Variants in KCNN3 observed in about 807,000 individuals in gnomAD.
The protein encoded by KCNN3 is small conductance calcium-activated potassium channel protein 3.
KCNN3 carries 16 observed loss-of-function variants against 62.9 expected under a neutral mutation model. The ratio of observed to expected loss-of-function variants is 0.25; its 90% CI spans 0.17 to 0.39. KCNN3 has a LOEUF of 0.39. Among genes scored for constraint, KCNN3 ranks in the 10% least tolerant of loss-of-function variants. The probability of loss-of-function intolerance (pLI) is 1.00; values close to 1 mark genes in which losing one functional copy is unlikely to be tolerated. For synonymous variants in KCNN3, 370 were observed against 389.2 expected, an observed-to-expected ratio of 0.95 and a Z score of 0.58; for missense variants, 599 against 949.4, an observed-to-expected ratio of 0.63 and a Z score of 4.85.
intron 2 of KCNN3, among the ~76,000 whole-genome samples, chr1:154,813,499 C>T (rs562088023): frequency 8.1e-4 from 124 of 152,252 alleles, no homozygotes; most frequent in African/African-American, 2.7e-3. Context: ...TTCACAAACA[C>T]GGACTCTTCC....
In KCNN3 at chr1:154,869,066, A is replaced by G. The variant is rs753701554; in HGVS notation, c.899T>C (p.Ile300Thr). ...CAAACCCCAAGAGAGCTCGGTCTCTATCACCATAACAACAATTCCAAACAT... is the reference window on the plus strand; with the variant it reads ...CAAACCCCAAGAGAGCTCGGTCTCTGTCACCATAACAACAATTCCAAACAT... ...FGMFGIVVMV[I>T]ETELSWGLYS... is the part of the protein sequence containing the mutation. The change falls in exon 1 of 8, where the codon ATA (isoleucine) becomes ACA (threonine). Residue 300 changes from isoleucine (I) to threonine (T), a missense_variant. Ile to Thr is a moderately conservative substitution (Grantham distance 89, BLOSUM62 -1). Transcript: ENST00000271915. This position sits in a 1 kb window ranked among gnomAD's most constrained non-coding sequence, Gnocchi z 6.1. 1.9e-6 allele frequency: 3 copies of G among 1,614,156 alleles called. No homozygotes were observed. Among genetic ancestry groups the G allele is most frequent in the South Asian group, 2.2e-5 (2 of 91,076 alleles).
intron 3 of KCNN3, among the ~76,000 whole-genome samples, chr1:154,756,071 AAGG>A (rs1305965022): frequency 9.0e-5 from 12 of 133,864 alleles, no homozygotes; most frequent in South Asian, 7.4e-4. Flanking sequence ...GAGGAAGAAG[AAGG>A]AGGAGGAGGA....
intron 3 of KCNN3, among the ~76,000 whole-genome samples, chr1:154,755,129 A>T (rs1647576558): frequency 6.6e-6 from 1 of 152,150 alleles, no homozygotes; most frequent in Non-Finnish European, 1.5e-5. Context: ...AAAGATGCCA[A>T]AGTAATATTT....
At chr1:154,738,701 C>T (rs1267417483) in intron 3 of KCNN3, among the ~76,000 whole-genome samples, 1 of 152,160 alleles carries the variant, frequency 6.6e-6, no homozygotes, top group South Asian at 2.1e-4. Context: ...ACTTAATGTG[C>T]CTGAACATCC....
At chr1:154,763,473 C>T (rs957122548) in intron 3 of KCNN3, among the ~76,000 whole-genome samples, 1 of 152,132 alleles carries the variant, frequency 6.6e-6, no homozygotes, top group Non-Finnish European at 1.5e-5. Flanking sequence ...AACTCCTAGG[C>T]TCAAGTGATC....
At chr1:154,819,936 A>T (rs931760901) in intron 2 of KCNN3, among the ~76,000 whole-genome samples, 3 of 152,354 alleles carry the variant, frequency 2.0e-5, no homozygotes, top group Middle Eastern at 6.8e-3. Context: ...CCCCTGCAAG[A>T]GTTCAGCAAA....
chr1:154,765,666 T>C (rs1648223835), intron 3 of KCNN3, among the ~76,000 whole-genome samples: 1 of 150,010 alleles, frequency 6.7e-6, no homozygotes, highest in African/African-American at 2.5e-5. Context: ...TCTCACTCTG[T>C]CACCCAGGCT....
intron 1 of KCNN3, among the ~76,000 whole-genome samples, chr1:154,836,375 G>T: frequency 6.6e-6 from 1 of 152,282 alleles, no homozygotes; most frequent in East Asian, 1.9e-4. Context: ...GCCCTGCACC[G>T]GTTACAGAAT....
intron 4 of KCNN3, among the ~76,000 whole-genome samples, chr1:154,729,907 G>A (rs926935520): frequency 3.9e-5 from 6 of 152,226 alleles, no homozygotes; most frequent in African/African-American, 9.7e-5. Context: ...AAAGCTCAGC[G>A]TCCCTGCAGA....
intron 5 of KCNN3, among the ~76,000 whole-genome samples, chr1:154,722,184 T>G (rs1700364603): frequency 6.6e-6 from 1 of 152,168 alleles, no homozygotes; most frequent in South Asian, 2.1e-4. Context: ...TTTTCTATGA[T>G]TAATAGCTAC....
At chr1:154,749,364 AG>A (rs1164006617) in intron 3 of KCNN3, among the ~76,000 whole-genome samples, 1 of 152,252 alleles carries the variant, frequency 6.6e-6, no homozygotes, top group Non-Finnish European at 1.5e-5. Flanking sequence ...GCAGCTCCCC[AG>A]GCAAGCAAAT....
rs1251199164 is a variant in KCNN3 at position 154,700,756 on chromosome 1, T to C, written c.*7220A>G. ...AGGCAGAGCTTGCAGTGAGCTGAGA[T>C]GGCGCCACTGCACTCCAGCCTGGGC... On this transcript the variant is annotated 3_prime_UTR_variant, in exon 8 of 8. Transcript: ENST00000271915. 1.3e-5 allele frequency: 2 copies of C among 151,970 alleles called. No homozygotes were observed. The highest frequency in any genetic ancestry group is 2.9e-5 in the Non-Finnish European group (2 of 68,002). 9.4% of individuals were successfully genotyped at this position (151,970 alleles called of 1,614,324 possible). A position where few individuals can be genotyped will look rare whatever the true frequency, so the allele number is the denominator to read the frequency against.
intron 3 of KCNN3, among the ~76,000 whole-genome samples, chr1:154,761,037 T>A (rs551085624): frequency 6.6e-6 from 1 of 152,286 alleles, no homozygotes; most frequent in East Asian, 1.9e-4. Context: ...AAAACATGAG[T>A]TCCTATGGAA....
chr1:154,847,214 G>C (rs780886070), intron 1 of KCNN3, among the ~76,000 whole-genome samples: 2 of 146,260 alleles, frequency 1.4e-5, no homozygotes, highest in Non-Finnish European at 3.0e-5. Context: ...ACCCCCCCCT[G>C]CCCTCGGGGA....
chr1:154,707,693 T>G lies in KCNN3; in HGVS notation c.*283A>C. 28 of 351,716 alleles carry G rather than the reference T, an allele frequency of 8.0e-5. No individual in the cohort carries two copies. The highest frequency in any genetic ancestry group is 2.2e-4 in the East Asian group (4 of 17,890). The allele number at this position is 351,716 out of a possible 1,614,324, so 21.8% of individuals were successfully genotyped here. A position where few individuals can be genotyped will look rare whatever the true frequency, so the allele number is the denominator to read the frequency against. The stretch of plus-strand genomic sequence containing the variant: ...GTGAAGACCTGAGATTGAGCGTGGA[T>G]TTCTGTTCTCCACCAACTCTGCAGC... On this transcript the variant is annotated 3_prime_UTR_variant, in exon 8 of 8. Coordinates refer to ENST00000271915, the MANE Select transcript of KCNN3 (RefSeq NM_002249.6).
intron 2 of KCNN3, among the ~76,000 whole-genome samples, chr1:154,777,261 T>A (rs1458725947): frequency 6.6e-6 from 1 of 152,074 alleles, no homozygotes; most frequent in Admixed American, 6.5e-5. Flanking sequence ...TCGGTGCACC[T>A]GAGCTCTCCA....
At chr1:154,715,986 A>C (rs1259421776) in intron 5 of KCNN3, among the ~76,000 whole-genome samples, 1 of 152,256 alleles carries the variant, frequency 6.6e-6, no homozygotes, top group East Asian at 1.9e-4. Context: ...TGTAATTGGC[A>C]CAAAAAAGAA....
chr1:154,775,933 G>A (rs1238155300), intron 2 of KCNN3, among the ~76,000 whole-genome samples: 1 of 152,226 alleles, frequency 6.6e-6, no homozygotes, highest in Admixed American at 6.5e-5. Flanking sequence ...GGTTACTATA[G>A]TAACTGGGTT....
At chr1:154,860,627 T>C (rs973630819) in intron 1 of KCNN3, among the ~76,000 whole-genome samples, 1 of 152,140 alleles carries the variant, frequency 6.6e-6, no homozygotes, top group African/African-American at 2.4e-5. Context: ...GAAACATGAC[T>C]GGGGAGCTTG....
Sources: gnomAD v4.1 joint callset for allele counts (sites outside exome capture counted in the v4.1 genomes callset) on GRCh38, gnomAD v4.1.1 for gene constraint, Gnocchi (gnomAD v3.1) non-coding constraint, MANE v1.5 for transcripts, NCBI Gene and HGNC (gene_info 2026-07-23, HGNC 2026-07-21) for gene names.